Variants in KIAA1549L observed in about 807,000 individuals in gnomAD.
KIAA1549L encodes the protein UPF0606 protein KIAA1549L.
Under a neutral mutation model 160.7 loss-of-function variants are expected in KIAA1549L, and 88 were observed. The observed-to-expected ratio is 0.55, with a 90% CI of 0.46 to 0.65. The LOEUF (loss-of-function observed/expected upper bound fraction) is 0.65, where lower values mean the gene tolerates loss of function less well. Ranked by LOEUF, KIAA1549L falls within the 30% of genes least tolerant of loss-of-function variation. The pLI, the probability that KIAA1549L is intolerant of heterozygous loss-of-function variation, is 0.00. For synonymous variants in KIAA1549L, 950 were observed against 976.7 expected (o/e 0.97, Z 0.51); for missense variants, 2,258 against 2,437.5 (o/e 0.93, Z 1.55).
chr11:33,511,252 C>T (rs1435797087), intron 1 of KIAA1549L, among the ~76,000 whole-genome samples: 1 of 152,166 alleles, frequency 6.6e-6, no homozygotes, highest in East Asian at 1.9e-4. Context: ...GAAGGCTTGT[C>T]TCTAGAGGCT....
chr11:33,636,720 T>C (rs1851448688), intron 16 of KIAA1549L, among the ~76,000 whole-genome samples: 1 of 152,238 alleles, frequency 6.6e-6, no homozygotes, highest in African/African-American at 2.4e-5. Context: ...TTTCTCACTG[T>C]GCCTAATTTA....
At chr11:33,663,518 C>T (rs938036168) in intron 20 of KIAA1549L, among the ~76,000 whole-genome samples, 18 of 152,178 alleles carry the variant, frequency 1.2e-4, no homozygotes, top group African/African-American at 4.3e-4. Context: ...GATCAGGTAT[C>T]CCTTGCCTGT....
intron 1 of KIAA1549L, among the ~76,000 whole-genome samples, chr11:33,416,687 T>A (rs545635669): frequency 2.0e-5 from 3 of 152,292 alleles, no homozygotes; most frequent in African/African-American, 7.2e-5. Flanking sequence ...CTGGAACCAA[T>A]TCTCTTTGGA....
chr11:33,392,993 T>TAGTCTTG (rs1430018169), intron 1 of KIAA1549L, among the ~76,000 whole-genome samples: 1 of 152,224 alleles, frequency 6.6e-6, no homozygotes, highest in Non-Finnish European at 1.5e-5. Context: ...CCCCTGTCTC[T>TAGTCTTG]AGTCTTGTCC....
intron 16 of KIAA1549L, among the ~76,000 whole-genome samples, chr11:33,635,800 G>GTATT (rs1446854684): frequency 3.9e-5 from 6 of 152,150 alleles, no homozygotes; most frequent in African/African-American, 1.2e-4. Context: ...TATTCAGTGA[G>GTATT]TATTTATTAA....
intron 15 of KIAA1549L, among the ~76,000 whole-genome samples, chr11:33,614,800 A>G (rs1371284305): frequency 6.7e-6 from 1 of 149,622 alleles, no homozygotes; most frequent in African/African-American, 2.5e-5. Context: ...TTTAATAGAG[A>G]CGGGGTTTCA....
chr11:33,435,778 A>ATGTGTGTGTGTG (rs1293537942), intron 1 of KIAA1549L, among the ~76,000 whole-genome samples: 2 of 17,628 alleles, frequency 1.1e-4, no homozygotes, highest in Non-Finnish European at 1.8e-4. Context: ...ATATATATAT[A>ATGTGTGTGTGTG]TATATATATA....
intron 1 of KIAA1549L, among the ~76,000 whole-genome samples, chr11:33,473,337 TG>T (rs1472129839): frequency 6.6e-6 from 1 of 152,142 alleles, no homozygotes; most frequent in Non-Finnish European, 1.5e-5. Context: ...ACCCAGGTGC[TG>T]AAGAAGCACC....
At chr11:33,656,305 T>C (rs1852063853) in intron 18 of KIAA1549L, among the ~76,000 whole-genome samples, 196 bp downstream of exon 18, 1 of 152,180 alleles carries the variant, frequency 6.6e-6, no homozygotes, top group African/African-American at 2.4e-5. Context: ...TTGTGCTTTT[T>C]AACCAGAAAG....
intron 1 of KIAA1549L, among the ~76,000 whole-genome samples, chr11:33,531,660 A>T (rs1477922487): frequency 6.6e-6 from 1 of 152,212 alleles, no homozygotes; most frequent in Non-Finnish European, 1.5e-5. Context: ...ACTTCAAGGC[A>T]TGGCAATTTG....
Position 33,646,103 on chromosome 11 carries a change from C to A in KIAA1549L, c.5760+67C>A, listed in dbSNP as rs911631055. Reference sequence around the variant, plus strand: ...CTGCCCAGTGAGTTCCAACAGGAGACTCAGAGCAGGGGCTTCTACAGATAA... The same window carrying A: ...CTGCCCAGTGAGTTCCAACAGGAGAATCAGAGCAGGGGCTTCTACAGATAA... On this transcript the variant is annotated intron_variant, in intron 17 of 20. Transcript: ENST00000658780. 34 of 1,247,718 alleles carry A rather than the reference C, an allele frequency of 2.7e-5. No homozygotes were observed. In the Admixed American group the frequency reaches 6.4e-4, roughly 23 times the overall value. The allele number at this position is 1,247,718 out of a possible 1,614,324, so 77.3% of individuals were successfully genotyped here.
At position 33,412,879 on chromosome 11, in the gene KIAA1549L, G is replaced by C. The variant is rs190194485; in HGVS notation, c.238+35990G>C. On this transcript the variant is annotated intron_variant, in intron 1 of 20. Coordinates refer to ENST00000658780, the MANE Select transcript of KIAA1549L (RefSeq NM_012194.3). ...TTAGAAACAAGGAAACTGAGATATA[G>C]AGAGGTTAAATAACTTGCCTGAGCT... is the stretch of plus-strand genomic sequence containing the variant. Among the ~76,000 whole-genome samples, 25 of 152,326 alleles carry C rather than the reference G, an allele frequency of 1.6e-4. No individual in the cohort carries two copies. In the East Asian group the frequency reaches 3.3e-3, roughly 20 times the overall value.
rs373682730 is a variant in KIAA1549L at position 33,542,600 on chromosome 11, G to A, written c.1037G>A (p.Ser346Asn). ...GGTTCATCCACACCTGGGTTTTTGA[G>A]CCCCATGGCAGAACTGTCCCATCCG... ...SAGSSTPGFL[S>N]PMAELSHPSP... Residue 346 changes from serine (S) to asparagine (N), a missense_variant, in exon 2 of 21, where the codon AGC (serine) becomes AAC (asparagine). By Grantham distance (46) the Ser-to-Asn change is conservative. Around this residue, in one of 6 missense-constraint regions of KIAA1549L, gnomAD observed 540 missense variants for 465.7 expected, o/e 1.16. Transcript: ENST00000658780. The A allele has an allele frequency of 6.2e-7, 1 of 1,613,892 alleles. No individual in the cohort carries two copies. The highest frequency in any genetic ancestry group is 8.5e-7 in the Non-Finnish European group (1 of 1,179,828).
At chr11:33,440,753 T>C (rs2476456) in intron 1 of KIAA1549L, among the ~76,000 whole-genome samples, 69,943 of 151,980 alleles carry the variant, frequency 0.46, 16,396 homozygotes, top group South Asian at 0.51. Flanking sequence ...TCAGACCTTC[T>C]TTTCTGAGCA....
chr11:33,523,306 T>G (rs1051181207), intron 1 of KIAA1549L, among the ~76,000 whole-genome samples: 3 of 152,194 alleles, frequency 2.0e-5, no homozygotes, highest in Admixed American at 1.3e-4. Flanking sequence ...AAATAAAACT[T>G]TCGTTTACCA....
chr11:33,609,706 C>A, intron 14 of KIAA1549L, 43 bp from the exon 15 acceptor site: 1 of 1,485,356 alleles, frequency 6.7e-7, no homozygotes, highest in Non-Finnish European at 9.2e-7. Flanking sequence ...ACCTGCCGGC[C>A]CCACTGGGTC....
intron 17 of KIAA1549L, among the ~76,000 whole-genome samples, chr11:33,647,364 A>G (rs1401983174): frequency 1.4e-5 from 2 of 139,056 alleles, no homozygotes; most frequent in African/African-American, 5.6e-5. Context: ...TGACACAGTA[A>G]GACTCTGTCT....
At chr11:33,435,796 A>ATATGTGTGTGTGTG (rs1565135857) in intron 1 of KIAA1549L, among the ~76,000 whole-genome samples, 1 of 34,670 alleles carries the variant, frequency 2.9e-5, no homozygotes, top group African/African-American at 1.8e-4. Context: ...ATATATATAT[A>ATATGTGTGTGTGTG]TATATATATA....
chr11:33,549,985 A>G (rs1048142560), intron 4 of KIAA1549L, among the ~76,000 whole-genome samples: 18 of 152,032 alleles, frequency 1.2e-4, no homozygotes, highest in African/African-American at 4.1e-4. Flanking sequence ...AGTCTGGGTG[A>G]CAGAGCAAGA....
Sources: gnomAD v4.1 joint callset for allele counts (sites outside exome capture counted in the v4.1 genomes callset) on GRCh38, gnomAD v4.1.1 for gene constraint, gnomAD v4.1.1 regional missense constraint, MANE v1.5 for transcripts, NCBI Gene and HGNC (gene_info 2026-07-23, HGNC 2026-07-21) for gene names.